Variants in CTNNAL1 observed in about 807,000 individuals in gnomAD.
The protein encoded by CTNNAL1 is alpha-catulin.
In CTNNAL1, 69 loss-of-function variants were observed where a neutral mutation model predicts 93.6. That is an observed-to-expected ratio of 0.74 (90% CI 0.61 to 0.90). The LOEUF (loss-of-function observed/expected upper bound fraction) is 0.90, where lower values mean the gene tolerates loss of function less well. Among genes scored for constraint, CTNNAL1 ranks in the 40% least tolerant of loss-of-function variants. The pLI is 0.00. For synonymous variants in CTNNAL1, 286 were observed against 305.4 expected, an observed-to-expected ratio of 0.94 and a Z score of 0.66; for missense variants, 836 against 862.0, an observed-to-expected ratio of 0.97 and a Z score of 0.38.
At chr9:108,960,280 C>G (rs757542293) in intron 11 of CTNNAL1, among the ~76,000 whole-genome samples, 3 of 152,096 alleles carry the variant, frequency 2.0e-5, no homozygotes, top group Non-Finnish European at 4.4e-5. Context: ...TAAACCCTAC[C>G]AATATTAGTT....
chr9:108,987,968 C>T (rs1355447318), intron 4 of CTNNAL1, among the ~76,000 whole-genome samples: 3 of 152,208 alleles, frequency 2.0e-5, no homozygotes, highest in Admixed American at 2.0e-4. Context: ...ATCATGTCAT[C>T]TGCAAACAGG....
At chr9:108,977,733 T>C (rs1309204157) in intron 7 of CTNNAL1, among the ~76,000 whole-genome samples, 1 of 152,172 alleles carries the variant, frequency 6.6e-6, no homozygotes, top group East Asian at 1.9e-4. Context: ...GCATGATAAA[T>C]AAAAATTAAA....
rs77238369 is a variant in CTNNAL1, at chr9:109,006,765, G to C, written c.141+6537C>G. On this transcript the variant is annotated intron_variant, in intron 1 of 18. Transcript: ENST00000325551. ...GGTTTACTTGATAGCTTCTAACAAA[G>C]GGTGTCAAGAAGTGCAAAACACCAA... 2.0e-3 allele frequency among the ~76,000 whole-genome samples: 298 copies of C among 152,294 alleles called. 2 individuals carry two copies. The highest frequency in any genetic ancestry group is 6.8e-3 in the African/African-American group (281 of 41,556).
At chr9:108,949,214 G>A (rs1830488423) in intron 14 of CTNNAL1, among the ~76,000 whole-genome samples, 1 of 152,026 alleles carries the variant, frequency 6.6e-6, no homozygotes, top group Non-Finnish European at 1.5e-5. Context: ...TTTCTATTCT[G>A]GAATGTCATC....
intron 8 of CTNNAL1, among the ~76,000 whole-genome samples, chr9:108,976,398 C>T (rs1292206647): frequency 6.6e-6 from 1 of 151,948 alleles, no homozygotes; most frequent in African/African-American, 2.4e-5. Flanking sequence ...TTATCAATTC[C>T]TCTGTTGATG....
At chr9:108,963,980 G>A (rs1830886543) in intron 11 of CTNNAL1, among the ~76,000 whole-genome samples, 1 of 152,120 alleles carries the variant, frequency 6.6e-6, no homozygotes, top group Non-Finnish European at 1.5e-5. Context: ...AGATACTCCA[G>A]GATAACCCAC....
At chr9:108,998,866 G>A (rs905555276) in intron 2 of CTNNAL1, among the ~76,000 whole-genome samples, 3 of 152,180 alleles carry the variant, frequency 2.0e-5, no homozygotes, top group African/African-American at 4.8e-5. Context: ...ACTCTGACCA[G>A]TGAAGGAGTC....
In CTNNAL1 at chr9:108,952,322, C is replaced by A. The variant is rs372567248; in HGVS notation, c.1722G>T (p.Leu574Phe). 2 of 1,614,086 alleles carry A rather than the reference C, an allele frequency of 1.2e-6. No individual in the cohort carries two copies. Among genetic ancestry groups the A allele is most frequent in the Admixed American group, 3.3e-5 (2 of 60,006 alleles). Reference sequence around the variant, plus strand: ...TTTCGCAGTCAGCGTCAGAGGTGAGCAAACCCAGCTTAAGTCCAAGCTTTG... The same window carrying A: ...TTTCGCAGTCAGCGTCAGAGGTGAGAAAACCCAGCTTAAGTCCAAGCTTTG... ...KIAKLGLKLG[L>F]LTSDADCEIE... Residue 574 changes from leucine (L) to phenylalanine (F), a missense_variant, in exon 14 of 19, where the codon TTG becomes TTT. Coordinates refer to ENST00000325551, the MANE Select transcript of CTNNAL1 (RefSeq NM_003798.4).
At chr9:108,985,426 A>G (rs760243672) in intron 4 of CTNNAL1, among the ~76,000 whole-genome samples, 1 of 152,240 alleles carries the variant, frequency 6.6e-6, no homozygotes, top group Admixed American at 6.5e-5. Context: ...CTTCTTACAA[A>G]TAAGTAAAAC....
intron 2 of CTNNAL1, among the ~76,000 whole-genome samples, chr9:108,995,588 G>A (rs1364687161): frequency 6.6e-6 from 1 of 151,958 alleles, no homozygotes; most frequent in Non-Finnish European, 1.5e-5. Flanking sequence ...TTTATTATAT[G>A]TCATTACTAG....
In CTNNAL1 at chr9:108,952,239, CTGGACATG is replaced by C; in HGVS notation, c.1797_1804del (p.Asn599LysfsTer11). The C allele has an allele frequency of 6.2e-7, 1 of 1,613,424 alleles. No homozygotes were observed. The highest frequency in any genetic ancestry group is 8.5e-7 in the Non-Finnish European group (1 of 1,179,458). Reference sequence around the variant, plus strand: ...AAATAAATACAGAGAATAGGCCATACTGGACATGTTCCGTCCATATTGAACAATCTCAT... The same window carrying C: ...AAATAAATACAGAGAATAGGCCATACTTCCGTCCATATTGAACAATCTCAT... On this transcript the variant is annotated frameshift_variant, in exon 14 of 19. Transcript: ENST00000325551. LOFTEE classifies it high-confidence loss of function.
intron 11 of CTNNAL1, among the ~76,000 whole-genome samples, chr9:108,958,063 C>CAAAAAAAA (rs11291554): frequency 9.4e-5 from 8 of 85,114 alleles, no homozygotes; most frequent in African/African-American, 2.9e-4. Context: ...AAGACTGTCT[C>CAAAAAAAA]AAAAAAAAAA....
At chr9:109,000,025 AAAGAAGGGGAAGAGAATTAC>A (rs1826739769) in intron 1 of CTNNAL1, among the ~76,000 whole-genome samples, 1 of 152,232 alleles carries the variant, frequency 6.6e-6, no homozygotes, top group African/African-American at 2.4e-5. Flanking sequence ...ACTAGTATTA[AAAGAAGGGGAAGAGAATTAC>A]AAGAAGGGGA....
At chr9:108,972,864 G>GGGGGGGGGCGGCCCCCCCCCC in intron 8 of CTNNAL1, 31 bp from the exon 9 acceptor site, 1 of 142,588 alleles carries the variant, frequency 7.0e-6, no homozygotes, top group Non-Finnish European at 1.0e-5. Flanking sequence ...GGGGGGGTGG[G>GGGGGGGGGCGGCCCCCCCCCC]AGGGTGGAGA....
intron 15 of CTNNAL1, among the ~76,000 whole-genome samples, chr9:108,944,348 A>G (rs2132075481): frequency 6.6e-6 from 1 of 152,284 alleles, no homozygotes; most frequent in East Asian, 1.9e-4. Flanking sequence ...AGCTCATCTC[A>G]AATATGCTCA....
At chr9:108,965,354 T>C in intron 11 of CTNNAL1, 24 bp downstream of exon 11, 1 of 1,374,728 alleles carries the variant, frequency 7.3e-7, no homozygotes, top group Non-Finnish European at 9.5e-7. Context: ...AATAACATAT[T>C]TCATTATGTG....
chr9:108,984,919 C>T (rs1330181594), intron 4 of CTNNAL1, among the ~76,000 whole-genome samples: 5 of 152,188 alleles, frequency 3.3e-5, no homozygotes, highest in South Asian at 4.1e-4. Context: ...AATTGGGGTT[C>T]GTTTGTCTTA....
intron 10 of CTNNAL1, among the ~76,000 whole-genome samples, chr9:108,969,828 T>C (rs1289876344): frequency 6.6e-6 from 1 of 152,112 alleles, no homozygotes; most frequent in African/African-American, 2.4e-5. Flanking sequence ...AATTTTTGTT[T>C]GTTTGTTTTT....
intron 6 of CTNNAL1, among the ~76,000 whole-genome samples, chr9:108,982,008 T>C (rs1483938957): frequency 6.6e-6 from 1 of 152,108 alleles, no homozygotes; most frequent in African/African-American, 2.4e-5. Context: ...GTTAGAGAGG[T>C]GGGAACCTTT....
Sources: gnomAD v4.1 joint callset for allele counts (sites outside exome capture counted in the v4.1 genomes callset) on GRCh38, gnomAD v4.1.1 for gene constraint, MANE v1.5 for transcripts, NCBI Gene and HGNC (gene_info 2026-07-23, HGNC 2026-07-21) for gene names.